Variants in BMPR1A observed in about 807,000 individuals in gnomAD.
BMPR1A encodes bone morphogenetic protein receptor type 1A, also known as bone morphogenetic protein receptor type-1A.
BMPR1A carries 7 observed loss-of-function variants against 66.0 expected under a neutral mutation model. The ratio of observed to expected loss-of-function variants is 0.11; its 90% CI spans 0.06 to 0.20. The LOEUF (loss-of-function observed/expected upper bound fraction) is 0.20, where lower values mean the gene tolerates loss of function less well. Among genes scored for constraint, BMPR1A ranks in the 10% least tolerant of loss-of-function variants. The pLI, the probability that BMPR1A is intolerant of heterozygous loss-of-function variation, is 1.00. For missense variants in BMPR1A, 408 were observed against 669.1 expected (o/e 0.61, Z 4.31); for synonymous variants, 200 against 229.7 (o/e 0.87, Z 1.17).
chr10:86,864,904 G>A (rs1842762472), intron 2 of BMPR1A, among the ~76,000 whole-genome samples: 1 of 151,914 alleles, frequency 6.6e-6, no homozygotes, highest in Non-Finnish European at 1.5e-5. Context: ...CCCACTCTAG[G>A]TTCCCACGCC....
chr10:86,917,339 T>C lies in BMPR1A; in HGVS notation c.868+13T>C. 1 of 1,614,028 alleles carries C rather than the reference T, an allele frequency of 6.2e-7. No individual in the cohort carries two copies. Among genetic ancestry groups the C allele is most frequent in the South Asian group, 1.1e-5 (1 of 91,018 alleles). Reference sequence around the variant, plus strand: ...GAAAACATACTTGGTGGGTACACACTGATTCAGTCAATTTCATTTTTGACA... The same window carrying C: ...GAAAACATACTTGGTGGGTACACACCGATTCAGTCAATTTCATTTTTGACA... On this transcript the variant is annotated intron_variant, in intron 9 of 12. Transcript: ENST00000372037.
intron 1 of BMPR1A, among the ~76,000 whole-genome samples, chr10:86,764,420 G>A (rs1236079063): frequency 6.6e-6 from 1 of 152,194 alleles, no homozygotes; most frequent in Non-Finnish European, 1.5e-5. Context: ...CTGGGTGACA[G>A]ATTATTCTTC....
At position 86,923,943 on chromosome 10, in the gene BMPR1A, G is replaced by C; in HGVS notation, c.*224G>C. 1.7e-6 allele frequency: 1 copy of C among 579,312 alleles called. No individual in the cohort carries two copies. The highest frequency in any genetic ancestry group is 3.0e-6 in the Non-Finnish European group (1 of 332,128). The allele number at this position is 579,312 out of a possible 1,614,324, so 35.9% of individuals were successfully genotyped here. A position where few individuals can be genotyped will look rare whatever the true frequency, so the allele number is the denominator to read the frequency against. On this transcript the variant is annotated 3_prime_UTR_variant, in exon 13 of 13. Transcript: ENST00000372037. ...ATATATGGACAGCTTTATTTTAAATGTGGTTTTTGATGCCTTTTTTTAAGT... is the reference window on the plus strand; with the variant it reads ...ATATATGGACAGCTTTATTTTAAATCTGGTTTTTGATGCCTTTTTTTAAGT...
At chr10:86,771,417 T>A (rs987214823) in intron 1 of BMPR1A, among the ~76,000 whole-genome samples, 1 of 152,334 alleles carries the variant, frequency 6.6e-6, no homozygotes, top group Non-Finnish European at 1.5e-5. Context: ...TCTGACATAT[T>A]TCCTTACTCT....
chr10:86,902,142 G>T (rs1843320224), intron 7 of BMPR1A, among the ~76,000 whole-genome samples: 1 of 152,130 alleles, frequency 6.6e-6, no homozygotes, highest in African/African-American at 2.4e-5. Context: ...TTACAGGCGT[G>T]AGCCACCGCA....
At chr10:86,848,572 T>A (rs537966658) in intron 2 of BMPR1A, among the ~76,000 whole-genome samples, 1 of 152,308 alleles carries the variant, frequency 6.6e-6, no homozygotes, top group East Asian at 1.9e-4. Flanking sequence ...TTTTGTTATA[T>A]ATTTAATAAT....
intron 3 of BMPR1A, among the ~76,000 whole-genome samples, chr10:86,877,218 T>C (rs970500290): frequency 1.3e-5 from 2 of 151,440 alleles, no homozygotes; most frequent in Non-Finnish European, 3.0e-5. Flanking sequence ...TCTTTTTTTT[T>C]TTTTTTTGAG....
At chr10:86,818,851 C>T (rs1021350018) in intron 1 of BMPR1A, among the ~76,000 whole-genome samples, 1 of 152,264 alleles carries the variant, frequency 6.6e-6, no homozygotes, top group Non-Finnish European at 1.5e-5. Context: ...AAGACAGACA[C>T]TGAAATAGGA....
chr10:86,793,634 C>T (rs1193322956), intron 1 of BMPR1A, among the ~76,000 whole-genome samples: 1 of 152,072 alleles, frequency 6.6e-6, no homozygotes, highest in Non-Finnish European at 1.5e-5. Flanking sequence ...ACAGGTGAGC[C>T]ACTGCGCCAG....
chr10:86,904,967 T>C (rs552640460), intron 7 of BMPR1A, among the ~76,000 whole-genome samples: 1 of 152,318 alleles, frequency 6.6e-6, no homozygotes, highest in South Asian at 2.1e-4. Flanking sequence ...GAATATTCAT[T>C]CATATTTAGT....
intron 7 of BMPR1A, among the ~76,000 whole-genome samples, chr10:86,910,149 A>T (rs1215109302): frequency 6.6e-6 from 1 of 152,118 alleles, no homozygotes; most frequent in African/African-American, 2.4e-5. Context: ...CCTGGCCAAC[A>T]TGGTGAAACC....
At chr10:86,855,298 CCAAT>C (rs1042248117) in intron 2 of BMPR1A, 18 of 1,045,784 alleles carry the variant, frequency 1.7e-5, no homozygotes, top group African/African-American at 1.3e-4. Flanking sequence ...TGTCTTCCAC[CCAAT>C]CAAAGTCTCC....
chr10:86,818,261 CCCT>C (rs1370016722), intron 1 of BMPR1A, among the ~76,000 whole-genome samples: 4 of 152,192 alleles, frequency 2.6e-5, no homozygotes, highest in Admixed American at 2.6e-4. Flanking sequence ...TCGTGATCTG[CCCT>C]CCTCGGCCTC....
intron 1 of BMPR1A, among the ~76,000 whole-genome samples, chr10:86,769,817 G>A (rs187656813): frequency 1.3e-5 from 2 of 152,308 alleles, no homozygotes; most frequent in East Asian, 1.9e-4. Context: ...TATTAATTAC[G>A]CAGCAGGCTG....
intron 1 of BMPR1A, among the ~76,000 whole-genome samples, chr10:86,812,721 C>T (rs1841988023): frequency 6.6e-6 from 1 of 152,122 alleles, no homozygotes; most frequent in East Asian, 1.9e-4. Flanking sequence ...CCCCCCAATC[C>T]ACATGTACAT....
chr10:86,865,288 C>T (rs1377028973), intron 2 of BMPR1A, among the ~76,000 whole-genome samples: 1 of 151,946 alleles, frequency 6.6e-6, no homozygotes, highest in East Asian at 1.9e-4. Flanking sequence ...GATATTCCAC[C>T]ACAAAAGAAG....
chr10:86,899,691 C>G (rs77064035), intron 5 of BMPR1A, 103 bp from the exon 6 acceptor site: 3 of 1,189,524 alleles, frequency 2.5e-6, no homozygotes, highest in African/African-American at 3.1e-5. Flanking sequence ...TTTGCAGGCC[C>G]CTTTCACTCA....
chr10:86,789,470 T>C (rs2132761800), intron 1 of BMPR1A, among the ~76,000 whole-genome samples: 2 of 152,224 alleles, frequency 1.3e-5, no homozygotes, highest in Middle Eastern at 6.8e-3. Context: ...TCCAGCACTT[T>C]GGGAGACTGA....
intron 2 of BMPR1A, among the ~76,000 whole-genome samples, chr10:86,871,386 GTA>G (rs1842853656): frequency 6.6e-6 from 1 of 152,174 alleles, no homozygotes; most frequent in African/African-American, 2.4e-5. Flanking sequence ...TCTGAACAGT[GTA>G]TTCTTGGTAT....
Sources: allele counts gnomAD v4.1 joint callset (sites outside exome capture counted in the v4.1 genomes callset), GRCh38; gene constraint gnomAD v4.1.1; transcripts MANE v1.5; gene names NCBI Gene and HGNC (gene_info 2026-07-23, HGNC 2026-07-21).